Variants in ABLIM2 observed in about 807,000 individuals in gnomAD.
ABLIM2 encodes the protein actin binding LIM protein family member 2.
ABLIM2 carries 53 observed loss-of-function variants against 97.7 expected under a neutral mutation model. That is an observed-to-expected ratio of 0.54 (90% CI 0.44 to 0.68). The LOEUF is 0.68. ABLIM2 is among the 30% of genes least tolerant of loss of function. ABLIM2 has a pLI of 0.00. For missense variants in ABLIM2, 835 were observed against 867.2 expected, an observed-to-expected ratio of 0.96 and a Z score of 0.47; for synonymous variants, 361 against 345.8, an observed-to-expected ratio of 1.04 and a Z score of -0.49.
intron 1 of ABLIM2, among the ~76,000 whole-genome samples, chr4:8,118,699 C>T (rs768183960): frequency 3.3e-5 from 5 of 152,186 alleles, no homozygotes; most frequent in Non-Finnish European, 7.3e-5. Flanking sequence ...AAGTTGTCCT[C>T]GATAGTCCTG....
At position 8,095,709 on chromosome 4, in the gene ABLIM2, G is replaced by C. The variant is rs570584008; in HGVS notation, c.338+1390C>G. On this transcript the variant is annotated intron_variant, in intron 3 of 20. Coordinates refer to ENST00000447017, the MANE Select transcript of ABLIM2 (RefSeq NM_001130083.2). This position sits in a 1 kb window ranked among gnomAD's most constrained non-coding sequence, Gnocchi z 4.7. Reference sequence around the variant, plus strand: ...GCATGATCTTCCTGAGGCTCGTTTTGTGCTTTGGTAGAGCAGGTTCACTGT... The same window carrying C: ...GCATGATCTTCCTGAGGCTCGTTTTCTGCTTTGGTAGAGCAGGTTCACTGT... Among the ~76,000 whole-genome samples, 5 of 152,234 alleles carry C rather than the reference G, an allele frequency of 3.3e-5. No homozygotes were observed. In the South Asian group the frequency reaches 1.0e-3, roughly 32 times the overall value.
rs746325134 is a variant in ABLIM2 at position 8,088,247 on chromosome 4, C to T, written c.376G>A (p.Gly126Arg). The T allele has an allele frequency of 1.1e-5, 18 of 1,612,958 alleles. No individual in the cohort carries two copies. Among genetic ancestry groups the T allele is most frequent in the African/African-American group, 2.7e-5 (2 of 74,754 alleles). Reference protein sequence around the residue: ...FPPGDRVTFNGKECMCQKCSL... With the variant: ...FPPGDRVTFNRKECMCQKCSL... ...CACTTCTGGCACATGCATTCCTTCC[C>T]GTTGAAGGTCACTCGGTCCCCGGGG... Residue 126 changes from glycine (G) to arginine (R), a missense_variant, in exon 4 of 21, where the codon GGG becomes AGG. Physicochemically the swap from Gly to Arg is moderately radical, Grantham distance 125 (BLOSUM62 -2). Transcript: ENST00000447017.
rs993807110 is a variant in ABLIM2, at chr4:8,127,683, G to T, written c.11-21046C>A. The T allele has an allele frequency of 7.9e-7, 1 of 1,261,450 alleles. No homozygotes were observed. Among genetic ancestry groups the T allele is most frequent in the African/African-American group, 1.5e-5 (1 of 65,264 alleles). 78.1% of individuals were successfully genotyped at this position (1,261,450 alleles called of 1,614,324 possible). The stretch of plus-strand genomic sequence containing the variant: ...AGTGGACCGGGGAAGAGCCTCTGTG[G>T]CCCACAGGGCTCCCACAAGGTCACG... On this transcript the variant is annotated intron_variant, in intron 1 of 20. Coordinates refer to ENST00000447017, the MANE Select transcript of ABLIM2 (RefSeq NM_001130083.2). The surrounding 1 kb of genome is among the most constrained non-coding windows in gnomAD (Gnocchi z 7.3).
chr4:8,133,942 G>T (rs568383848), intron 1 of ABLIM2, among the ~76,000 whole-genome samples: 3 of 152,122 alleles, frequency 2.0e-5, no homozygotes, highest in Non-Finnish European at 4.4e-5. Flanking sequence ...AGCAAGGCAC[G>T]TGGGGACATG....
chr4:8,141,746 C>T (rs1342835501), intron 1 of ABLIM2, among the ~76,000 whole-genome samples: 1 of 152,138 alleles, frequency 6.6e-6, no homozygotes, highest in Non-Finnish European at 1.5e-5. Context: ...CCACAGGAGA[C>T]CTATTTGGGA....
Position 8,091,723 on chromosome 4 carries a change from A to G in ABLIM2, c.339-3439T>C, listed in dbSNP as rs1561336929. Among the ~76,000 whole-genome samples the G allele has an allele frequency of 4.2e-5, 3 of 72,230 alleles. 1 individual carries two copies. The highest frequency in any genetic ancestry group is 5.4e-4 in the Admixed American group (2 of 3,670). The allele number at this position is 72,230 out of a possible 152,430, so 47.4% of individuals were successfully genotyped here. A position where few individuals can be genotyped will look rare whatever the true frequency, so the allele number is the denominator to read the frequency against. On this transcript the variant is annotated intron_variant, in intron 3 of 20. Transcript: ENST00000447017. Reference sequence around the variant, plus strand: ...AATATACATAATATAATTATATAATATATATTATATTAATATGTATTATAT... The same window carrying G: ...AATATACATAATATAATTATATAATGTATATTATATTAATATGTATTATAT...
chr4:8,007,158 A>G, intron 16 of ABLIM2: 2 of 985,326 alleles, frequency 2.0e-6, no homozygotes, highest in African/African-American at 3.5e-5. Context: ...AGGCATGAGG[A>G]TGAGGATGAG....
At chr4:8,144,259 C>T (rs1851451213) in intron 1 of ABLIM2, among the ~76,000 whole-genome samples, 1 of 152,210 alleles carries the variant, frequency 6.6e-6, no homozygotes. Context: ...GCAAAATACT[C>T]TTTCTAAGTT....
In ABLIM2 at chr4:7,985,285, A is replaced by G. The variant is rs1179473758; in HGVS notation, c.1681-392T>C. ...TCTTTGCGCACGCTGCGCTAGGCAC[A>G]GCGCTCTGCGGTTCCCCGTTGGTGA... On this transcript the variant is annotated intron_variant, in intron 17 of 20. Coordinates refer to ENST00000447017, the MANE Select transcript of ABLIM2 (RefSeq NM_001130083.2). Among the ~76,000 whole-genome samples the G allele has an allele frequency of 6.6e-5, 10 of 152,176 alleles. No homozygotes were observed. The East Asian group carries it at 1.9e-3, about 29-fold the overall frequency.
chr4:8,049,899 T>C (rs1315684756), intron 8 of ABLIM2, among the ~76,000 whole-genome samples: 2 of 152,170 alleles, frequency 1.3e-5, no homozygotes, highest in South Asian at 2.1e-4. Flanking sequence ...GGCTAAGTTT[T>C]GTATTTTTGG....
rs922699634 is a variant in ABLIM2, at chr4:7,989,416, C to T, written c.1680+3450G>A. On this transcript the variant is annotated intron_variant, in intron 17 of 20. Transcript: ENST00000447017. ...TTTCAAAAGAGTCATATTCAAATCA[C>T]CCACCATACTTGTATTTAATCAAGG... is the stretch of plus-strand genomic sequence containing the variant. The T allele has an allele frequency of 1.3e-5, 13 of 985,172 alleles. No individual in the cohort carries two copies. In the African/African-American group the frequency reaches 2.1e-4, roughly 16 times the overall value. The allele number at this position is 985,172 out of a possible 1,614,324, so 61.0% of individuals were successfully genotyped here.
Position 8,015,868 on chromosome 4 carries a change from A to G in ABLIM2, c.1423+3750T>C, listed in dbSNP as rs1768694405. Reference sequence around the variant, plus strand: ...TTTCCCTCATGAAATCCTTTTATTTATTTATTTTTATTTTTGAGTTTTTCA... The same window carrying G: ...TTTCCCTCATGAAATCCTTTTATTTGTTTATTTTTATTTTTGAGTTTTTCA... On this transcript the variant is annotated intron_variant, in intron 14 of 20. Transcript: ENST00000447017. This position sits in a 1 kb window ranked among gnomAD's most constrained non-coding sequence, Gnocchi z 4.6. Among the ~76,000 whole-genome samples the G allele has an allele frequency of 6.6e-6, 1 of 151,968 alleles. No individual in the cohort carries two copies. The highest frequency in any genetic ancestry group is 6.6e-5 in the Admixed American group (1 of 15,248).
At position 8,045,386 on chromosome 4, in the gene ABLIM2, C is replaced by T. The variant is rs1791646349; in HGVS notation, c.823-145G>A. ...TGGGGCTGGGCCGGGCACGGCGGCT[C>T]ACGCCTATAATCCCAGCACTTTGGG... On this transcript the variant is annotated intron_variant, in intron 8 of 20. Coordinates refer to ENST00000447017, the MANE Select transcript of ABLIM2 (RefSeq NM_001130083.2). 6 of 746,936 alleles carry T rather than the reference C, an allele frequency of 8.0e-6. No individual in the cohort carries two copies. The East Asian group carries it at 1.6e-4, about 20-fold the overall frequency. 46.3% of individuals were successfully genotyped at this position (746,936 alleles called of 1,614,324 possible). A position where few individuals can be genotyped will look rare whatever the true frequency, so the allele number is the denominator to read the frequency against.
chr4:8,110,376 G>A (rs1839712880), intron 1 of ABLIM2, among the ~76,000 whole-genome samples: 2 of 152,174 alleles, frequency 1.3e-5, no homozygotes, highest in Admixed American at 1.3e-4. Context: ...GCTGGCCTGG[G>A]ATGCAGGCTT....
chr4:7,995,488 G>A (rs557257566), intron 16 of ABLIM2, among the ~76,000 whole-genome samples: 1 of 152,204 alleles, frequency 6.6e-6, no homozygotes, highest in Non-Finnish European at 1.5e-5. Flanking sequence ...CCTCACTTCT[G>A]AGCAAAAGAT....
intron 1 of ABLIM2, among the ~76,000 whole-genome samples, chr4:8,145,948 T>G: frequency 6.6e-6 from 1 of 152,056 alleles, no homozygotes; most frequent in Non-Finnish European, 1.5e-5. Flanking sequence ...AGAACTAGAA[T>G]TGAGCAAACC....
chr4:7,988,684 A>G (rs1267947561), intron 17 of ABLIM2, among the ~76,000 whole-genome samples: 1 of 152,226 alleles, frequency 6.6e-6, no homozygotes, highest in African/African-American at 2.4e-5. Flanking sequence ...GAACCATGCT[A>G]TGGAGCTTAT....
intron 7 of ABLIM2, 140 bp downstream of exon 7, chr4:8,060,827 C>T (rs1002591400): frequency 2.7e-5 from 19 of 693,894 alleles, no homozygotes; most frequent in East Asian, 1.3e-4. Flanking sequence ...CCTGCCCTGC[C>T]GGCTCCCCGC....
At chr4:8,037,175 A>C (rs1429400907) in intron 9 of ABLIM2, among the ~76,000 whole-genome samples, 1 of 151,932 alleles carries the variant, frequency 6.6e-6, no homozygotes, top group African/African-American at 2.4e-5. Flanking sequence ...TGCTATTTTT[A>C]TTGTTTTTTA....
Sources: gnomAD v4.1 joint callset for allele counts (sites outside exome capture counted in the v4.1 genomes callset) on GRCh38, gnomAD v4.1.1 for gene constraint, Gnocchi (gnomAD v3.1) non-coding constraint, MANE v1.5 for transcripts, NCBI Gene and HGNC (gene_info 2026-07-23, HGNC 2026-07-21) for gene names.